NPL: variants seen among roughly 807,000 people sequenced by gnomAD.
NPL encodes N-acetylneuraminate lyase.
Under a neutral mutation model 41.1 loss-of-function variants are expected in NPL, and 32 were observed. The ratio of observed to expected loss-of-function variants is 0.78; its 90% CI spans 0.59 to 1.05. NPL has a LOEUF of 1.05. NPL is among the 50% of genes least tolerant of loss of function. NPL has a pLI of 0.00. For synonymous variants in NPL, 128 were observed against 134.9 expected, an observed-to-expected ratio of 0.95 and a Z score of 0.35; for missense variants, 321 against 378.4, an observed-to-expected ratio of 0.85 and a Z score of 1.26.
chr1:182,799,732 C>CAAAAAAAAAAAAAAAAAAAAAAAAAAAA lies in NPL; in HGVS notation c.69-3945_69-3944insAAAAAAAAAAAAAAAAAAAAAAAAAAAA, dbSNP rs556336661. Among the ~76,000 whole-genome samples, 3 of 61,216 alleles carry CAAAAAAAAAAAAAAAAAAAAAAAAAAAA rather than the reference C, an allele frequency of 4.9e-5. 1 individual carries two copies. Among genetic ancestry groups the CAAAAAAAAAAAAAAAAAAAAAAAAAAAA allele is most frequent in the Non-Finnish European group, 1.1e-4 (3 of 28,016 alleles). The allele number at this position is 61,216 out of a possible 152,430, so 40.2% of individuals were successfully genotyped here. The stretch of plus-strand genomic sequence containing the variant: ...AGACAACATAGCAAGACCCTGTCTC[C>CAAAAAAAAAAAAAAAAAAAAAAAAAAAA]AAAAAAAAAAAAAAAAAAAAAGCCC... On this transcript the variant is annotated intron_variant, in intron 3 of 12. Coordinates refer to ENST00000367553, the MANE Select transcript of NPL (RefSeq NM_030769.3).
At position 182,818,643 on chromosome 1, in the gene NPL, A is replaced by G; in HGVS notation, c.560A>G (p.Asp187Gly). The change falls in exon 9 of 13, where the codon GAT (aspartate) becomes GGT (glycine). Residue 187 changes from aspartate (D) to glycine (G), a missense_variant. Coordinates refer to ENST00000367553, the MANE Select transcript of NPL (RefSeq NM_030769.3). ...TDLLDFGQCV[D>G]QNRQQQFAFL... ...CTCTTAGACTTCGGGCAATGTGTTG[A>G]TCAGAATCGCCAGCAACAGTTTGCT... is the stretch of plus-strand genomic sequence containing the variant. 1 of 1,614,202 alleles carries G rather than the reference A, an allele frequency of 6.2e-7. No homozygotes were observed. Among genetic ancestry groups the G allele is most frequent in the Non-Finnish European group, 8.5e-7 (1 of 1,180,028 alleles).
At chr1:182,819,642 C>A (rs895827306) in intron 10 of NPL, among the ~76,000 whole-genome samples, 3 of 151,828 alleles carry the variant, frequency 2.0e-5, no homozygotes, top group East Asian at 1.9e-4. Flanking sequence ...AAGAAAAATT[C>A]AGTCATTGTT....
chr1:182,805,754 A>G (rs575405037), intron 4 of NPL, among the ~76,000 whole-genome samples: 1 of 152,306 alleles, frequency 6.6e-6, no homozygotes, highest in East Asian at 1.9e-4. Flanking sequence ...AGTATACAAA[A>G]GCACCCGCAT....
chr1:182,790,283 C>T (rs1040659617), intron 1 of NPL, among the ~76,000 whole-genome samples: 1 of 152,112 alleles, frequency 6.6e-6, no homozygotes, highest in African/African-American at 2.4e-5. Flanking sequence ...AACAACTTTG[C>T]CATTTAAAAA....
Position 182,806,164 on chromosome 1 carries a change from A to G in NPL, c.162A>G (p.Glu54=). The change falls in exon 5 of 13, where the codon GAA becomes GAG. Residue 54 remains glutamate, a synonymous_variant. Transcript: ENST00000367553. ...KNIFVNGTTG[E]GLSLSVSERR... ...GAACAGTGAATGGCACAACAGGAGA[A>G]GGCCTGTCCCTGAGCGTCTCAGAGC... 1.2e-6 allele frequency: 2 copies of G among 1,614,228 alleles called. No homozygotes were observed. The highest frequency in any genetic ancestry group is 1.7e-6 in the Non-Finnish European group (2 of 1,180,042).
chr1:182,829,183 G>T lies in NPL; in HGVS notation c.*275G>T. 7.7e-7 allele frequency: 1 copy of T among 1,299,292 alleles called. No individual in the cohort carries two copies. Among genetic ancestry groups the T allele is most frequent in the South Asian group, 1.8e-5 (1 of 54,538 alleles). The allele number at this position is 1,299,292 out of a possible 1,614,324, so 80.5% of individuals were successfully genotyped here. On this transcript the variant is annotated 3_prime_UTR_variant, in exon 13 of 13. Coordinates refer to ENST00000367553, the MANE Select transcript of NPL (RefSeq NM_030769.3). ...ATGAAATGGAATCAAGAGGAAAATT[G>T]TAATTGATTAATTCCATCTGTCTTT...
intron 3 of NPL, among the ~76,000 whole-genome samples, chr1:182,795,480 A>T (rs1463168545): frequency 6.6e-6 from 1 of 152,144 alleles, no homozygotes; most frequent in African/African-American, 2.4e-5. Context: ...CTGTTGCTGA[A>T]TTTATAAACG....
In NPL at chr1:182,828,355, A is replaced by T. The variant is rs1206129829; in HGVS notation, c.779-369A>T. 5.9e-5 allele frequency among the ~76,000 whole-genome samples: 9 copies of T among 152,188 alleles called. No individual in the cohort carries two copies. The highest frequency in any genetic ancestry group is 1.2e-4 in the Non-Finnish European group (8 of 68,038). On this transcript the variant is annotated intron_variant, in intron 12 of 12. Transcript: ENST00000367553. This position sits in a 1 kb window ranked among gnomAD's most constrained non-coding sequence, Gnocchi z 4.0. ...TGGCAATAAAGTCCTACCTCCTTTGATCAACAATAGTATATTCCTAAATCA... is the reference window on the plus strand; with the variant it reads ...TGGCAATAAAGTCCTACCTCCTTTGTTCAACAATAGTATATTCCTAAATCA...
At chr1:182,803,843 C>T in intron 4 of NPL, 72 bp downstream of exon 4, 1 of 1,061,634 alleles carries the variant, frequency 9.4e-7, no homozygotes, top group Non-Finnish European at 1.5e-6. Flanking sequence ...ACCTGGTTAC[C>T]AGCCAAGAGG....
chr1:182,816,276 T>C (rs1667329091), intron 7 of NPL, among the ~76,000 whole-genome samples: 3 of 152,240 alleles, frequency 2.0e-5, no homozygotes, highest in South Asian at 2.1e-4. Context: ...ATAATTTCCC[T>C]CTTGAAGCAG....
At chr1:182,824,100 A>G (rs1274268348) in intron 11 of NPL, among the ~76,000 whole-genome samples, 10 of 152,136 alleles carry the variant, frequency 6.6e-5, no homozygotes, top group Admixed American at 6.5e-4. Flanking sequence ...TTATATTTAC[A>G]TGAGTGAAAT....
intron 6 of NPL, 37 bp from the exon 7 acceptor site, chr1:182,814,746 C>T (rs200554579): frequency 1.3e-6 from 2 of 1,550,354 alleles, no homozygotes; most frequent in Non-Finnish European, 1.8e-6. Context: ...TATAGTAAAT[C>T]ACTTGCTCCA....
intron 8 of NPL, 132 bp from the exon 9 acceptor site, chr1:182,818,409 T>A (rs777164934): frequency 9.0e-6 from 10 of 1,110,220 alleles, no homozygotes; most frequent in Admixed American, 1.7e-5. Context: ...CAGGGACCAG[T>A]GATTATGCCT....
chr1:182,829,197 C>T lies in NPL; in HGVS notation c.*289C>T. On this transcript the variant is annotated 3_prime_UTR_variant, in exon 13 of 13. Coordinates refer to ENST00000367553, the MANE Select transcript of NPL (RefSeq NM_030769.3). ...AGAGGAAAATTGTAATTGATTAATTCCATCTGTCTTTAGGAGCTCTCATTA... is the reference window on the plus strand; with the variant it reads ...AGAGGAAAATTGTAATTGATTAATTTCATCTGTCTTTAGGAGCTCTCATTA... 1 of 1,279,014 alleles carries T rather than the reference C, an allele frequency of 7.8e-7. No homozygotes were observed. Among genetic ancestry groups the T allele is most frequent in the South Asian group, 1.8e-5 (1 of 54,192 alleles). 79.2% of individuals were successfully genotyped at this position (1,279,014 alleles called of 1,614,324 possible).
At position 182,814,851 on chromosome 1, in the gene NPL, G is replaced by A; in HGVS notation, c.357G>A (p.Trp119Ter). Residue 119 changes from tryptophan (W) to a stop codon, truncating the protein, a stop_gained, in exon 7 of 13, where the codon TGG (tryptophan) becomes TGA (stop). Transcript: ENST00000367553. LOFTEE classifies it high-confidence loss of function. The part of the protein sequence containing the change: ...AVIAPFFLKP[W>*]TKDILINFLK... ...TTGCACCGTTCTTCCTCAAGCCATG[G>A]ACCAAAGGTAAGTAGATAGGTCTGA... is the stretch of plus-strand genomic sequence containing the variant. 6.2e-7 allele frequency: 1 copy of A among 1,613,762 alleles called. No homozygotes were observed. Among genetic ancestry groups the A allele is most frequent in the Non-Finnish European group, 8.5e-7 (1 of 1,179,704 alleles).
rs755462647 is a variant in NPL, at chr1:182,818,759, C to T, written c.607-54C>T. The T allele has an allele frequency of 3.1e-6, 5 of 1,613,014 alleles. No homozygotes were observed. The African/African-American group carries it at 5.3e-5, about 17-fold the overall frequency. ...AACAATTTGTGTAGCTATATAGTAG[C>T]ATCTCTTCTCTTTCTCTTTTTTATA... On this transcript the variant is annotated intron_variant, in intron 9 of 12. Coordinates refer to ENST00000367553, the MANE Select transcript of NPL (RefSeq NM_030769.3).
At position 182,818,808 on chromosome 1, in the gene NPL, A is replaced by G. The variant is rs1170661054; in HGVS notation, c.607-5A>G. 4 of 1,613,920 alleles carry G rather than the reference A, an allele frequency of 2.5e-6. No homozygotes were observed. Among genetic ancestry groups the G allele is most frequent in the Middle Eastern group, 1.6e-4 (1 of 6,082 alleles). On this transcript the variant is annotated splice_region_variant and splice_polypyrimidine_tract_variant and intron_variant, in intron 9 of 12. Coordinates refer to ENST00000367553, the MANE Select transcript of NPL (RefSeq NM_030769.3). Reference sequence around the variant, plus strand: ...TACAAGTGAATATTTTTTGTTTCTGATTAGCAACTGTTGAGTGCTCTGGTG... The same window carrying G: ...TACAAGTGAATATTTTTTGTTTCTGGTTAGCAACTGTTGAGTGCTCTGGTG...
intron 4 of NPL, among the ~76,000 whole-genome samples, chr1:182,804,272 C>T (rs111688040): frequency 0.028 from 4,262 of 152,190 alleles, 135 homozygotes; most frequent in African/African-American, 0.072. Context: ...GGACTATAGG[C>T]GCACACCACC....
chr1:182,826,145 T>C, intron 12 of NPL: 1 of 415,950 alleles, frequency 2.4e-6, no homozygotes, highest in Non-Finnish European at 4.4e-6. Flanking sequence ...TCAGCCTAAG[T>C]GCTTGGAGGA....
Sources: gnomAD v4.1 joint callset for allele counts (sites outside exome capture counted in the v4.1 genomes callset) on GRCh38, gnomAD v4.1.1 for gene constraint, Gnocchi (gnomAD v3.1) non-coding constraint, MANE v1.5 for transcripts, NCBI Gene and HGNC (gene_info 2026-07-23, HGNC 2026-07-21) for gene names.